The following COL25A1 variants were observed in gnomAD, a reference collection of about 807,000 sequenced individuals.
COL25A1 encodes collagen type XXV alpha 1 chain, also known as collagen alpha-1(XXV) chain.
COL25A1 carries 103 observed loss-of-function variants against 128.4 expected under a neutral mutation model. The observed-to-expected ratio is 0.80, with a 90% CI of 0.68 to 0.94. COL25A1 has a LOEUF of 0.94. COL25A1 is among the 40% of genes least tolerant of loss of function. The pLI, the probability that COL25A1 is intolerant of heterozygous loss-of-function variation, is 0.00. For missense variants in COL25A1, 745 were observed against 840.0 expected, an observed-to-expected ratio of 0.89 and a Z score of 1.40; for synonymous variants, 279 against 277.2, an observed-to-expected ratio of 1.01 and a Z score of -0.06.
At chr4:108,850,475 G>C (rs1479968024) in intron 26 of COL25A1, among the ~76,000 whole-genome samples, 1 of 152,008 alleles carries the variant, frequency 6.6e-6, no homozygotes, top group Non-Finnish European at 1.5e-5. Flanking sequence ...GGGGTGGGTG[G>C]GGTAGGGATG....
intron 3 of COL25A1, among the ~76,000 whole-genome samples, chr4:109,153,838 T>C (rs992189020): frequency 6.6e-6 from 1 of 152,166 alleles, no homozygotes; most frequent in Non-Finnish European, 1.5e-5. Context: ...TTTAGTTCAA[T>C]TGCTGTATAC....
In COL25A1 at chr4:109,039,940, C is replaced by T. The variant is rs1759724518; in HGVS notation, c.420+8228G>A. The stretch of plus-strand genomic sequence containing the variant: ...GAAGTAAGAACTAGAGATATGTGTG[C>T]GTATTTGCTTGTATGTGTGTATATC... On this transcript the variant is annotated intron_variant, in intron 5 of 37. Transcript: ENST00000399132. Among the ~76,000 whole-genome samples, 3 of 151,968 alleles carry T rather than the reference C, an allele frequency of 2.0e-5. No homozygotes were observed. In the South Asian group the frequency reaches 6.2e-4, roughly 31 times the overall value.
Position 109,251,501 on chromosome 4 carries a change from G to A in COL25A1, c.367+49082C>T, listed in dbSNP as rs183432948. On this transcript the variant is annotated intron_variant, in intron 3 of 37. Coordinates refer to ENST00000399132, the MANE Select transcript of COL25A1 (RefSeq NM_198721.4). Reference sequence around the variant, plus strand: ...GCCATACACACTCCTCCTTACCTTCGTGGTAGAATAGCAGTCCAATTTCCC... The same window carrying A: ...GCCATACACACTCCTCCTTACCTTCATGGTAGAATAGCAGTCCAATTTCCC... Among the ~76,000 whole-genome samples, 11 of 152,248 alleles carry A rather than the reference G, an allele frequency of 7.2e-5. 1 individual carries two copies. The highest frequency in any genetic ancestry group is 2.2e-4 in the African/African-American group (9 of 41,540).
chr4:109,294,291 A>G (rs1158634399), intron 3 of COL25A1, among the ~76,000 whole-genome samples: 1 of 152,106 alleles, frequency 6.6e-6, no homozygotes, highest in Admixed American at 6.6e-5. Flanking sequence ...AATGAATCAC[A>G]GAATAGTCAT....
At chr4:109,172,995 T>C (rs1410776708) in intron 3 of COL25A1, among the ~76,000 whole-genome samples, 3 of 152,194 alleles carry the variant, frequency 2.0e-5, no homozygotes, top group South Asian at 2.1e-4. Flanking sequence ...GTTTGCAATG[T>C]AAAGAAGTTT....
intron 3 of COL25A1, among the ~76,000 whole-genome samples, chr4:109,097,500 C>T (rs1765500126): frequency 6.6e-6 from 1 of 150,610 alleles, no homozygotes; most frequent in South Asian, 2.1e-4. Context: ...GTAGTCCCAG[C>T]TACCTGGGAG....
intron 3 of COL25A1, among the ~76,000 whole-genome samples, chr4:109,086,752 G>A (rs534861736): frequency 6.6e-6 from 1 of 152,204 alleles, no homozygotes; most frequent in East Asian, 1.9e-4. Context: ...TAAAACTCTG[G>A]CTAAGTCTTC....
intron 27 of COL25A1, 36 bp from the exon 28 acceptor site, chr4:108,846,255 A>C (rs201611791): frequency 3.1e-4 from 388 of 1,267,548 alleles, no homozygotes; most frequent in Middle Eastern, 1.5e-3. Context: ...TGTAAGCAGC[A>C]TAATGACCCC....
At chr4:109,055,337 A>G (rs1279079757) in intron 3 of COL25A1, among the ~76,000 whole-genome samples, 1 of 152,212 alleles carries the variant, frequency 6.6e-6, no homozygotes, top group East Asian at 1.9e-4. Flanking sequence ...CCAGATTGCC[A>G]TACTGAATTG....
chr4:108,947,121 G>A (rs1748855318), intron 8 of COL25A1, among the ~76,000 whole-genome samples: 1 of 152,124 alleles, frequency 6.6e-6, no homozygotes, highest in African/African-American at 2.4e-5. Context: ...ACAGCCAAGG[G>A]ACAGCAGTTG....
chr4:109,168,253 A>G (rs1188549932), intron 3 of COL25A1, among the ~76,000 whole-genome samples: 1 of 152,154 alleles, frequency 6.6e-6, no homozygotes, highest in African/African-American at 2.4e-5. Flanking sequence ...CTTGCTTTCT[A>G]TTCTGGCTTT....
intron 8 of COL25A1, among the ~76,000 whole-genome samples, chr4:108,956,275 T>C (rs1750064293): frequency 6.6e-6 from 1 of 152,202 alleles, no homozygotes; most frequent in Admixed American, 6.5e-5. Flanking sequence ...AGATTGTATA[T>C]TGAGAAATCT....
chr4:108,905,970 G>T (rs1419101765), intron 13 of COL25A1, among the ~76,000 whole-genome samples: 1 of 152,018 alleles, frequency 6.6e-6, no homozygotes, highest in Non-Finnish European at 1.5e-5. Flanking sequence ...AGCCACAGCT[G>T]GTCTCTGTAC....
chr4:109,041,687 G>T (rs896145272), intron 5 of COL25A1, among the ~76,000 whole-genome samples: 1 of 152,084 alleles, frequency 6.6e-6, no homozygotes, highest in African/African-American at 2.4e-5. Context: ...TCTTGCCAAA[G>T]GAATGTGGTC....
At chr4:108,884,247 T>A in intron 18 of COL25A1, 25 bp from the exon 19 acceptor site, 3 of 1,598,106 alleles carry the variant, frequency 1.9e-6, no homozygotes, top group Non-Finnish European at 2.6e-6. Context: ...CATATAGCAT[T>A]ATAGAATGAT....
chr4:109,112,642 CTT>C (rs1767136049), intron 3 of COL25A1, among the ~76,000 whole-genome samples: 1 of 151,842 alleles, frequency 6.6e-6, no homozygotes, highest in Non-Finnish European at 1.5e-5. Context: ...ATTAAGGAAA[CTT>C]ATCCTCAAAA....
rs1731545069 is a variant in COL25A1, at chr4:108,819,307, TC to T, written c.1867del (p.Glu623LysfsTer45). 6.2e-7 allele frequency: 1 copy of T among 1,613,228 alleles called. No homozygotes were observed. Among genetic ancestry groups the T allele is most frequent in the African/African-American group, 1.3e-5 (1 of 74,840 alleles). On this transcript the variant is annotated frameshift_variant, in exon 36 of 38. Coordinates refer to ENST00000399132, the MANE Select transcript of COL25A1 (RefSeq NM_198721.4). LOFTEE classifies it high-confidence loss of function. ...GEKGFRGVKG[E>X]KGEPGQPGLD... ...GCCAGGCTGGCCTGGCTCCCCTTTT[TC>T]CCCCTTAACGCCACGGAATCCCTGT...
At chr4:108,833,047 TG>T (rs559843860) in intron 31 of COL25A1, among the ~76,000 whole-genome samples, 1 of 149,734 alleles carries the variant, frequency 6.7e-6, no homozygotes, top group South Asian at 2.1e-4. Context: ...AAAATGTAAT[TG>T]TTTTTCCTTC....
intron 19 of COL25A1, among the ~76,000 whole-genome samples, chr4:108,871,441 G>A (rs958754964): frequency 1.3e-5 from 2 of 151,852 alleles, no homozygotes; most frequent in Non-Finnish European, 2.9e-5. Flanking sequence ...TCAGCCTCCC[G>A]AGTAGCTGGG....
Sources: allele counts gnomAD v4.1 joint callset (sites outside exome capture counted in the v4.1 genomes callset), GRCh38; gene constraint gnomAD v4.1.1; transcripts MANE v1.5; gene names NCBI Gene and HGNC (gene_info 2026-07-23, HGNC 2026-07-21).